Variants in BLTP1 observed in about 807,000 individuals in gnomAD.
BLTP1 encodes bridge-like lipid transfer protein family member 1.
At chr4:122,301,273 A>G in the BLTP1 span, 1 of 1,488,728 alleles carries the variant, frequency 6.7e-7, no homozygotes. Flanking sequence ...AAAAAAAAAA[A>G]TTGTCCCGAA....
chr4:122,152,583 A>G, the BLTP1 span: 2 of 985,454 alleles, frequency 2.0e-6, no homozygotes, highest in Non-Finnish European at 2.4e-6. Flanking sequence ...GCACTCGCCC[A>G]GGTGAGGGGA....
At chr4:122,283,242 AGTATATAACCAGTGATCATT>A in the BLTP1 span, among the ~76,000 whole-genome samples, 14 of 141,974 alleles carry the variant, frequency 9.9e-5, no homozygotes, top group East Asian at 3.8e-4. Context: ...GGCATGGGAT[AGTATATAACCAGTGATCATT>A]GTATATAACC....
At chr4:122,242,964 T>A in the BLTP1 span, 7 of 1,265,142 alleles carry the variant, frequency 5.5e-6, no homozygotes, top group Admixed American at 1.1e-4. Context: ...GGGAAATATA[T>A]TAAAAATCTA....
the BLTP1 span, chr4:122,224,854 T>G: frequency 2.3e-5 from 34 of 1,508,200 alleles, no homozygotes; most frequent in Non-Finnish European, 2.7e-5. Context: ...GAGACAAGTT[T>G]GACTTTTCTG....
chr4:122,327,948 G>A, the BLTP1 span: 30 of 473,736 alleles, frequency 6.3e-5, no homozygotes, highest in Admixed American at 1.2e-3. Flanking sequence ...TCCTTCCTTG[G>A]TGTACTATTT....
chr4:122,340,220 AT>A, the BLTP1 span, among the ~76,000 whole-genome samples: 2 of 152,142 alleles, frequency 1.3e-5, no homozygotes, highest in Admixed American at 1.3e-4. Flanking sequence ...GCTGCTAAAC[AT>A]TCTATAGTAT....
the BLTP1 span, among the ~76,000 whole-genome samples, chr4:122,292,121 C>CCA: frequency 6.6e-6 from 1 of 152,124 alleles, no homozygotes; most frequent in Non-Finnish European, 1.5e-5. Context: ...CAGGCATGCA[C>CCA]CACCACACCC....
the BLTP1 span, among the ~76,000 whole-genome samples, chr4:122,300,648 AC>A: frequency 2.0e-5 from 3 of 152,294 alleles, no homozygotes; most frequent in East Asian, 5.8e-4. Flanking sequence ...TTCAAAACAA[AC>A]AAAATCTGCT....
chr4:122,170,427 A>G, the BLTP1 span: 9 of 974,284 alleles, frequency 9.2e-6, no homozygotes, highest in Non-Finnish European at 1.1e-5. Context: ...TACAAGTATG[A>G]TCCATTCTCT....
chr4:122,155,740 A>G, the BLTP1 span, among the ~76,000 whole-genome samples: 44,305 of 152,128 alleles, frequency 0.29, 7,539 homozygotes, highest in East Asian at 0.45. Flanking sequence ...CTTGTATAGA[A>G]GATACATGGT....
At chr4:122,295,542 G>A in the BLTP1 span, among the ~76,000 whole-genome samples, 3 of 151,998 alleles carry the variant, frequency 2.0e-5, no homozygotes, top group Non-Finnish European at 2.9e-5. Flanking sequence ...CATTTCTATT[G>A]AAACTATTCC....
At chr4:122,154,959 AT>A in the BLTP1 span, 6 of 935,200 alleles carry the variant, frequency 6.4e-6, no homozygotes, top group Non-Finnish European at 7.7e-6. Context: ...ACTCAAGTAT[AT>A]TTTTTATGAA....
the BLTP1 span, chr4:122,293,007 A>G: frequency 1.1e-6 from 1 of 888,478 alleles, no homozygotes. Flanking sequence ...CCCTTAGGAA[A>G]TAACCTCCTT....
chr4:122,319,055 T>A, the BLTP1 span, among the ~76,000 whole-genome samples: 1 of 152,300 alleles, frequency 6.6e-6, no homozygotes, highest in South Asian at 2.1e-4. Context: ...TAAATAGCCA[T>A]AGGGTCTGTT....
chr4:122,234,234 C>T, the BLTP1 span: 3 of 591,406 alleles, frequency 5.1e-6, no homozygotes, highest in Non-Finnish European at 6.4e-6. Flanking sequence ...GAGTAGACCT[C>T]GATATTATTT....
At chr4:122,207,483 A>G in the BLTP1 span, 2 of 1,511,514 alleles carry the variant, frequency 1.3e-6, no homozygotes, top group Non-Finnish European at 8.8e-7. Context: ...TTGAAATTTA[A>G]TGGACATTAA....
chr4:122,168,638 C>T, the BLTP1 span, among the ~76,000 whole-genome samples: 1 of 151,062 alleles, frequency 6.6e-6, no homozygotes, highest in African/African-American at 2.4e-5. Context: ...TAAAGTTAGC[C>T]GTCAAATTTT....
At chr4:122,291,642 A>G in the BLTP1 span, 1 of 699,644 alleles carries the variant, frequency 1.4e-6, no homozygotes, top group Non-Finnish European at 1.8e-6. Context: ...GAAAGATGTA[A>G]GTAAGCACTG....
the BLTP1 span, chr4:122,243,124 G>A: frequency 2.0e-6 from 3 of 1,491,802 alleles, no homozygotes; most frequent in Non-Finnish European, 2.8e-6. Context: ...GATGGGTAGA[G>A]TTTATTCTGA....
Sources: gnomAD v4.1 joint callset for allele counts (sites outside exome capture counted in the v4.1 genomes callset) on GRCh38, gnomAD v4.1.1 for gene constraint, MANE v1.5 for transcripts, NCBI Gene and HGNC (gene_info 2026-07-23, HGNC 2026-07-21) for gene names.